REDIC1: variants seen among roughly 807,000 people sequenced by gnomAD.
REDIC1 encodes regulator of DNA class I crossover intermediates 1, also known as HEI10 Interacting Protein 1.
the REDIC1 span, among the ~76,000 whole-genome samples, chr12:39,750,028 C>T: frequency 6.6e-6 from 1 of 152,224 alleles, no homozygotes; most frequent in African/African-American, 2.4e-5. Flanking sequence ...TGCCCTCTCT[C>T]ACCACTCCCA....
chr12:39,774,343 A>AAGTT, the REDIC1 span, among the ~76,000 whole-genome samples: 3 of 152,212 alleles, frequency 2.0e-5, no homozygotes, highest in Admixed American at 2.0e-4. Flanking sequence ...CAACCATGAA[A>AAGTT]AGTTACTGTT....
the REDIC1 span, among the ~76,000 whole-genome samples, chr12:39,780,778 C>G: frequency 1.3e-5 from 2 of 152,024 alleles, no homozygotes; most frequent in South Asian, 2.1e-4. Context: ...AATACATACA[C>G]GAAAACATGG....
the REDIC1 span, chr12:39,640,812 T>A: frequency 3.9e-6 from 2 of 514,322 alleles, no homozygotes. Context: ...TTTAAGAATA[T>A]TTTTATAGTT....
At chr12:39,684,021 C>G in the REDIC1 span, 2 of 475,540 alleles carry the variant, frequency 4.2e-6, no homozygotes, top group Non-Finnish European at 5.5e-6. Context: ...ATTTACCTCT[C>G]AGAGACTCCA....
the REDIC1 span, among the ~76,000 whole-genome samples, chr12:39,641,277 A>C: frequency 6.6e-6 from 1 of 151,898 alleles, no homozygotes; most frequent in African/African-American, 2.4e-5. Context: ...TTTATTACCT[A>C]GATAAATGAT....
the REDIC1 span, among the ~76,000 whole-genome samples, chr12:39,850,056 C>T: frequency 0.021 from 3,198 of 152,228 alleles, 87 homozygotes; most frequent in East Asian, 0.13. Context: ...TTCTTCTGCA[C>T]ACATGCTATC....
the REDIC1 span, among the ~76,000 whole-genome samples, chr12:39,718,547 A>C: frequency 2.0e-5 from 3 of 152,114 alleles, no homozygotes; most frequent in Non-Finnish European, 4.4e-5. Flanking sequence ...GCAGCTTTAT[A>C]AATAAGGGCA....
chr12:39,796,993 G>A, the REDIC1 span, among the ~76,000 whole-genome samples: 5 of 151,988 alleles, frequency 3.3e-5, no homozygotes, highest in East Asian at 1.9e-4. Context: ...TTTTATGTTC[G>A]ACATCAGTGT....
the REDIC1 span, among the ~76,000 whole-genome samples, chr12:39,789,361 T>C: frequency 6.6e-6 from 1 of 152,184 alleles, no homozygotes; most frequent in African/African-American, 2.4e-5. Flanking sequence ...TTGAAATTCA[T>C]TCAGGTAGAT....
the REDIC1 span, among the ~76,000 whole-genome samples, chr12:39,833,892 T>TA: frequency 0.039 from 3,448 of 88,340 alleles, 99 homozygotes; most frequent in East Asian, 0.09. Flanking sequence ...AGCATGGTCA[T>TA]AAAAAAAAAA....
chr12:39,684,862 C>T, the REDIC1 span: 3 of 1,605,912 alleles, frequency 1.9e-6, no homozygotes, highest in Admixed American at 5.0e-5. Context: ...ATTTATAATC[C>T]TTAGGGGAAA....
the REDIC1 span, among the ~76,000 whole-genome samples, chr12:39,775,261 G>C: frequency 6.6e-6 from 1 of 152,190 alleles, no homozygotes; most frequent in East Asian, 1.9e-4. Context: ...GGGCCACAAA[G>C]GTTGGTCTGG....
the REDIC1 span, among the ~76,000 whole-genome samples, chr12:39,685,846 A>C: frequency 6.6e-6 from 1 of 152,232 alleles, no homozygotes; most frequent in Non-Finnish European, 1.5e-5. Flanking sequence ...CATTGGGTAA[A>C]TATTTACATT....
the REDIC1 span, among the ~76,000 whole-genome samples, chr12:39,802,090 G>A: frequency 6.6e-6 from 1 of 152,220 alleles, no homozygotes; most frequent in African/African-American, 2.4e-5. Flanking sequence ...GGGTTGGGCA[G>A]TTGATGGGCT....
chr12:39,744,814 CA>C, the REDIC1 span, among the ~76,000 whole-genome samples: 1 of 151,882 alleles, frequency 6.6e-6, no homozygotes, highest in Non-Finnish European at 1.5e-5. Context: ...ACAAGGGAAA[CA>C]AATAGAAAAC....
the REDIC1 span, among the ~76,000 whole-genome samples, chr12:39,881,902 C>T: frequency 6.6e-6 from 1 of 152,026 alleles, no homozygotes; most frequent in African/African-American, 2.4e-5. Context: ...ATTCTTACCC[C>T]TGTATCATGA....
chr12:39,640,128 C>T, the REDIC1 span, among the ~76,000 whole-genome samples: 1 of 150,466 alleles, frequency 6.6e-6, no homozygotes, highest in Non-Finnish European at 1.5e-5. Context: ...CATATGTTAA[C>T]ATCCTGACTC....
At chr12:39,750,815 G>A in the REDIC1 span, among the ~76,000 whole-genome samples, 2 of 152,126 alleles carry the variant, frequency 1.3e-5, no homozygotes, top group African/African-American at 2.4e-5. Flanking sequence ...ATGGGGAAAC[G>A]ATTCCCTATT....
At chr12:39,771,411 C>T in the REDIC1 span, among the ~76,000 whole-genome samples, 6 of 152,130 alleles carry the variant, frequency 3.9e-5, no homozygotes, top group African/African-American at 1.4e-4. Context: ...GATGCCTATG[C>T]TGGGAGATTT....
Sources: allele counts gnomAD v4.1 joint callset (sites outside exome capture counted in the v4.1 genomes callset), GRCh38; gene constraint gnomAD v4.1.1; transcripts MANE v1.5; gene names NCBI Gene and HGNC (gene_info 2026-07-23, HGNC 2026-07-21).